The following SARDH variants were observed in gnomAD, a reference collection of about 807,000 sequenced individuals.
SARDH encodes the protein sarcosine dehydrogenase.
A neutral mutation model predicts 109.1 loss-of-function variants in SARDH; 95 were observed. The ratio of observed to expected loss-of-function variants is 0.87; its 90% CI spans 0.74 to 1.03. SARDH has a LOEUF of 1.03. Among genes scored for constraint, SARDH ranks in the 50% least tolerant of loss-of-function variants. The pLI, the probability that SARDH is intolerant of heterozygous loss-of-function variation, is 0.00. For missense variants in SARDH, 1,267 were observed against 1,287.8 expected (o/e 0.98, Z 0.25); for synonymous variants, 572 against 534.8 (o/e 1.07, Z -0.96).
rs1310565589 is a variant in SARDH, at chr9:133,686,323, C to CT, written c.2070-1038_2070-1037insA. On this transcript the variant is annotated intron_variant, in intron 16 of 20. Transcript: ENST00000439388. The surrounding 1 kb of genome is among the most constrained non-coding windows in gnomAD (Gnocchi z 4.0). ...ACCTCCTGGGCACCGTGCCCACCTC[C>CT]AGGCCTAGCCCTCTTGTGCCCCTTC... 3.9e-5 allele frequency among the ~76,000 whole-genome samples: 6 copies of CT among 152,078 alleles called. No homozygotes were observed. Among genetic ancestry groups the CT allele is most frequent in the African/African-American group, 1.4e-4 (6 of 41,394 alleles).
At chr9:133,715,700 T>C (rs761692973) in intron 8 of SARDH, among the ~76,000 whole-genome samples, 1 of 152,164 alleles carries the variant, frequency 6.6e-6, no homozygotes, top group Non-Finnish European at 1.5e-5. Context: ...TGGAAGTCCC[T>C]GGGCTCCCCG....
At chr9:133,717,226 C>T in intron 8 of SARDH, 100 bp downstream of exon 8, 1 of 1,461,894 alleles carries the variant, frequency 6.8e-7, no homozygotes, top group South Asian at 1.3e-5. Flanking sequence ...GCCCTGGGTC[C>T]CCTGTGTGAC....
chr9:133,661,836 C>A (rs1832420860), downstream of SARDH, among the ~76,000 whole-genome samples: 2 of 152,168 alleles, frequency 1.3e-5, no homozygotes, highest in African/African-American at 2.4e-5. Flanking sequence ...AGTACTCAGC[C>A]ACAGTGAGCG....
chr9:133,689,237 C>T (rs1831005314), intron 16 of SARDH, among the ~76,000 whole-genome samples: 1 of 151,488 alleles, frequency 6.6e-6, no homozygotes. Flanking sequence ...GAAGCTGCCA[C>T]CATCATTTTC....
chr9:133,700,361 TAAAA>T (rs920669073), intron 13 of SARDH, among the ~76,000 whole-genome samples: 1 of 147,914 alleles, frequency 6.8e-6, no homozygotes, highest in Non-Finnish European at 1.5e-5. Flanking sequence ...TTTGAAAAAT[TAAAA>T]AAAAAAGGAA....
chr9:133,681,783 G>A (rs1014601288), intron 17 of SARDH, among the ~76,000 whole-genome samples: 4 of 152,290 alleles, frequency 2.6e-5, no homozygotes, highest in South Asian at 2.1e-4. Flanking sequence ...TGCCACGGCC[G>A]GTGCGCGGCG....
intron 18 of SARDH, 108 bp downstream of exon 18, chr9:133,671,427 G>C (rs1374650112): frequency 2.5e-5 from 34 of 1,344,610 alleles, no homozygotes; most frequent in Non-Finnish European, 2.0e-6. Context: ...AGGAAGCCGG[G>C]TGACAACACA....
intron 15 of SARDH, among the ~76,000 whole-genome samples, chr9:133,691,801 C>G (rs1022763071): frequency 1.3e-5 from 2 of 152,130 alleles, no homozygotes; most frequent in East Asian, 3.9e-4. Context: ...AGTTTTGAAG[C>G]CTGAAAGTAA....
At chr9:133,694,612 G>A (rs1401044907) in intron 14 of SARDH, among the ~76,000 whole-genome samples, 1 of 152,216 alleles carries the variant, frequency 6.6e-6, no homozygotes, top group Non-Finnish European at 1.5e-5. Flanking sequence ...CACCCTTGCG[G>A]GAAGGAAGCT....
At chr9:133,730,634 AG>A (rs34566194) in intron 4 of SARDH, among the ~76,000 whole-genome samples, 41,583 of 151,598 alleles carry the variant, frequency 0.27, 6,569 homozygotes, top group Non-Finnish European at 0.35. Context: ...TGTCAATACT[AG>A]TTACTGCTGG....
At chr9:133,677,341 G>A (rs563891907) in intron 17 of SARDH, among the ~76,000 whole-genome samples, 59 of 152,242 alleles carry the variant, frequency 3.9e-4, no homozygotes, top group South Asian at 1.9e-3. Context: ...AGCTTATTAC[G>A]CACGATTCTT....
At chr9:133,691,657 G>A (rs1032907616) in intron 15 of SARDH, among the ~76,000 whole-genome samples, 1 of 152,180 alleles carries the variant, frequency 6.6e-6, no homozygotes, top group Non-Finnish European at 1.5e-5. Context: ...TGCTTTGTAT[G>A]CCACCTTGAT....
At chr9:133,729,343 G>A (rs1832594851) in intron 6 of SARDH, among the ~76,000 whole-genome samples, 2 of 152,092 alleles carry the variant, frequency 1.3e-5, no homozygotes, top group Non-Finnish European at 2.9e-5. Context: ...TTGGCAGAAG[G>A]CTCTCAGGGA....
chr9:133,721,667 G>A lies in SARDH; in HGVS notation c.916-2625C>T, dbSNP rs79069738. On this transcript the variant is annotated intron_variant, in intron 6 of 20. Coordinates refer to ENST00000439388, the MANE Select transcript of SARDH (RefSeq NM_001134707.2). The stretch of plus-strand genomic sequence containing the variant: ...GGGCGTTAGGTGGTTTATCTGATGT[G>A]TGTGCGTATTCAGAAAATAGTATCA... 9.1e-3 allele frequency among the ~76,000 whole-genome samples: 1,386 copies of A among 152,270 alleles called. 14 individuals carry two copies. The highest frequency in any genetic ancestry group is 0.031 in the African/African-American group (1,290 of 41,530).
rs912940195 is a variant in SARDH, at chr9:133,691,482, C to T, written c.1922-955G>A. On this transcript the variant is annotated intron_variant, in intron 15 of 20. Transcript: ENST00000439388. ...GAGAGCAGTGAGAAGGCAGGGTGGC[C>T]GGGGACTTGCACCATCGGCAGTGGG... 8.5e-5 allele frequency among the ~76,000 whole-genome samples: 13 copies of T among 152,284 alleles called. No homozygotes were observed. In the East Asian group the frequency reaches 9.6e-4, roughly 11 times the overall value.
Position 133,666,862 on chromosome 9 carries a change from G to T in SARDH, c.2504C>A (p.Pro835His), listed in dbSNP as rs1397237986. ...CCAGATGGCCTCCAGGCCAAACATG[G>T]GTACTTTGCTGGAAGAAGCAGTAGA... Reference protein sequence around the residue: ...LVCFTMEDKVPMFGLEAIWRN... With the variant: ...LVCFTMEDKVHMFGLEAIWRN... The change falls in exon 20 of 21, where the codon CCC becomes CAC. Residue 835 changes from proline (P) to histidine (H), a missense_variant. Transcript: ENST00000439388. This position sits in a 1 kb window ranked among gnomAD's most constrained non-coding sequence, Gnocchi z 5.2. 5 of 1,612,512 alleles carry T rather than the reference G, an allele frequency of 3.1e-6. No homozygotes were observed. The highest frequency in any genetic ancestry group is 1.7e-5 in the Admixed American group (1 of 59,860).
chr9:133,731,455 A>T lies in SARDH; in HGVS notation c.540T>A (p.His180Gln). ...TCTTGGTCTCTGCCGGGCTCAGCAC[A>T]TGGGATTCCACACCATACGCCTTGC... ...SLGKAYGVESHVLSPAETKTL... is the reference protein window; with the variant it reads ...SLGKAYGVESQVLSPAETKTL... The change falls in exon 4 of 21, where the codon CAT (histidine) becomes CAA (glutamine). Residue 180 changes from histidine to glutamine, a missense_variant. Transcript: ENST00000439388. The T allele has an allele frequency of 1.2e-6, 2 of 1,614,104 alleles. No homozygotes were observed. Among genetic ancestry groups the T allele is most frequent in the Non-Finnish European group, 1.7e-6 (2 of 1,179,998 alleles).
At chr9:133,721,828 T>C (rs189879763) in intron 6 of SARDH, among the ~76,000 whole-genome samples, 40 of 152,264 alleles carry the variant, frequency 2.6e-4, no homozygotes, top group African/African-American at 6.7e-4. Flanking sequence ...TGATACACCA[T>C]GGCCAGACTG....
downstream of SARDH, among the ~76,000 whole-genome samples, chr9:133,660,974 G>A (rs1366671197): frequency 6.6e-6 from 1 of 152,192 alleles, no homozygotes; most frequent in Non-Finnish European, 1.5e-5. Flanking sequence ...AGGCTGAGAT[G>A]CGAGGATCAC....
Sources: allele counts gnomAD v4.1 joint callset (sites outside exome capture counted in the v4.1 genomes callset), GRCh38; gene constraint gnomAD v4.1.1; non-coding constraint Gnocchi (gnomAD v3.1); transcripts MANE v1.5; gene names NCBI Gene and HGNC (gene_info 2026-07-23, HGNC 2026-07-21).